The following PKHD1 variants were observed in gnomAD, a reference collection of about 807,000 sequenced individuals.
PKHD1 encodes the protein PKHD1 ciliary IPT domain containing fibrocystin/polyductin.
In PKHD1, 291 loss-of-function variants were observed where a neutral mutation model predicts 412.0. That is an observed-to-expected ratio of 0.71 (90% confidence interval 0.64 to 0.78). The LOEUF (loss-of-function observed/expected upper bound fraction) is 0.78, where lower values mean the gene tolerates loss of function less well. Ranked by LOEUF, PKHD1 falls within the 30% of genes least tolerant of loss-of-function variation. The pLI, the probability that PKHD1 is intolerant of heterozygous loss-of-function variation, is 0.00. For synonymous variants in PKHD1, 1,777 were observed against 1,821.5 expected (o/e 0.98, Z 0.62); for missense variants, 4,825 against 4,950.7 (o/e 0.97, Z 0.76).
At chr6:52,045,824 T>C (rs1018346049) in intron 24 of PKHD1, among the ~76,000 whole-genome samples, 180 bp downstream of exon 24, 1 of 152,202 alleles carries the variant, frequency 6.6e-6, no homozygotes, top group African/African-American at 2.4e-5. Context: ...TTCAGGGATA[T>C]GATATACAAA....
intron 45 of PKHD1, among the ~76,000 whole-genome samples, chr6:51,884,082 A>C (rs1467558736): frequency 6.6e-6 from 1 of 152,180 alleles, no homozygotes; most frequent in Non-Finnish European, 1.5e-5. Context: ...AGGGACTAAG[A>C]CACCACTGGT....
intron 37 of PKHD1, among the ~76,000 whole-genome samples, chr6:51,918,114 C>T (rs998857895): frequency 6.6e-6 from 1 of 151,968 alleles, no homozygotes; most frequent in Non-Finnish European, 1.5e-5. Context: ...CAAAATAATG[C>T]AGGACTTTGT....
intron 62 of PKHD1, among the ~76,000 whole-genome samples, chr6:51,648,541 T>C (rs1770434576): frequency 6.6e-6 from 1 of 152,150 alleles, no homozygotes; most frequent in Non-Finnish European, 1.5e-5. Context: ...GGGGATGCAT[T>C]TATAAACAGG....
At chr6:51,867,316 G>T (rs1175474425) in intron 48 of PKHD1, among the ~76,000 whole-genome samples, 1 of 152,122 alleles carries the variant, frequency 6.6e-6, no homozygotes, top group African/African-American at 2.4e-5. Flanking sequence ...ATGGTAGTTT[G>T]AGTAGCATAA....
chr6:52,019,147 T>G (rs1436051644), intron 33 of PKHD1, among the ~76,000 whole-genome samples: 1 of 152,058 alleles, frequency 6.6e-6, no homozygotes, highest in Non-Finnish European at 1.5e-5. Flanking sequence ...CTGAAAACCT[T>G]AATAAAGAGG....
In PKHD1 at chr6:51,982,855, A is replaced by AAAAATAAAAT. The variant is rs376352534; in HGVS notation, c.5752-22839_5752-22830dup. On this transcript the variant is annotated intron_variant, in intron 35 of 66. Transcript: ENST00000371117. ...ATAAAAAATAAAAAAATAAAAAAAT[A>AAAAATAAAAT]AAAATAAAATAAAATAAAATAAAAT... Among the ~76,000 whole-genome samples the AAAAATAAAAT allele has an allele frequency of 3.9e-3, 495 of 125,912 alleles. 2 individuals carry two copies. Among genetic ancestry groups the AAAAATAAAAT allele is most frequent in the South Asian group, 4.8e-3 (18 of 3,780 alleles). 82.6% of individuals were successfully genotyped at this position (125,912 alleles called of 152,430 possible).
intron 52 of PKHD1, among the ~76,000 whole-genome samples, chr6:51,814,282 A>T (rs1765123940): frequency 6.6e-6 from 1 of 152,206 alleles, no homozygotes; most frequent in African/African-American, 2.4e-5. Context: ...TTACTCTACG[A>T]TTCTCTCAGT....
intron 55 of PKHD1, among the ~76,000 whole-genome samples, chr6:51,765,776 T>C (rs1788885982): frequency 6.6e-6 from 1 of 152,154 alleles, no homozygotes; most frequent in African/African-American, 2.4e-5. Flanking sequence ...CAATCTCTTC[T>C]AATTTGCAAT....
At chr6:51,658,029 G>A (rs1211326732) in intron 61 of PKHD1, among the ~76,000 whole-genome samples, 1 of 152,034 alleles carries the variant, frequency 6.6e-6, no homozygotes, top group Non-Finnish European at 1.5e-5. Flanking sequence ...CAAAAGGAAA[G>A]ATATTTCAAT....
At chr6:52,048,365 A>G in intron 23 of PKHD1, 127 bp downstream of exon 23, 1 of 985,400 alleles carries the variant, frequency 1.0e-6, no homozygotes, top group South Asian at 1.3e-5. Context: ...ACTTTCAGAC[A>G]CTGGAAAATA....
intron 6 of PKHD1, among the ~76,000 whole-genome samples, chr6:52,074,452 AC>A (rs1281715246): frequency 2.0e-5 from 3 of 152,316 alleles, no homozygotes; most frequent in African/African-American, 7.2e-5. Flanking sequence ...GTTTCCTGTT[AC>A]TGCTAAAAAA....
At chr6:52,012,916 T>C (rs972263342) in intron 34 of PKHD1, among the ~76,000 whole-genome samples, 2 of 152,228 alleles carry the variant, frequency 1.3e-5, no homozygotes, top group African/African-American at 4.8e-5. Context: ...GAATAGTTCA[T>C]TCTAGAATTT....
chr6:51,950,220 A>AAAAAAAAAT, intron 36 of PKHD1, among the ~76,000 whole-genome samples: 164 of 98,300 alleles, frequency 1.7e-3, no homozygotes, highest in Non-Finnish European at 1.9e-3. Context: ...GAAAAAAAAA[A>AAAAAAAAAT]ATATATATAT....
intron 34 of PKHD1, among the ~76,000 whole-genome samples, chr6:52,011,912 G>A (rs1799879053): frequency 6.6e-6 from 1 of 152,188 alleles, no homozygotes; most frequent in Non-Finnish European, 1.5e-5. Context: ...CTTTATCTGA[G>A]CCTCCTTCTC....
At position 51,909,482 on chromosome 6, in the gene PKHD1, G is replaced by A; in HGVS notation, c.6491-8C>T. ...AACAGTGCTGCAGATTACCTGAAAT[G>A]CAAAATAAAGTCCAGAGAACCTAAA... On this transcript the variant is annotated splice_polypyrimidine_tract_variant and splice_region_variant and intron_variant, in intron 39 of 66. Coordinates refer to ENST00000371117, the MANE Select transcript of PKHD1 (RefSeq NM_138694.4). 6.2e-7 allele frequency: 1 copy of A among 1,608,504 alleles called. No individual in the cohort carries two copies. Among genetic ancestry groups the A allele is most frequent in the South Asian group, 1.1e-5 (1 of 90,972 alleles).
intron 60 of PKHD1, among the ~76,000 whole-genome samples, chr6:51,692,126 C>T (rs898752489): frequency 3.9e-5 from 6 of 152,100 alleles, no homozygotes; most frequent in African/African-American, 1.4e-4. Flanking sequence ...AGTATTCTCA[C>T]TCCTCCCAAT....
intron 60 of PKHD1, among the ~76,000 whole-genome samples, chr6:51,716,296 A>C (rs916807834): frequency 1.3e-5 from 2 of 152,212 alleles, no homozygotes; most frequent in South Asian, 4.1e-4. Context: ...CCTTCATATG[A>C]GTCATTAGCA....
At chr6:51,806,197 C>A (rs2151361644) in intron 52 of PKHD1, among the ~76,000 whole-genome samples, 1 of 147,818 alleles carries the variant, frequency 6.8e-6, no homozygotes, top group Admixed American at 6.9e-5. Flanking sequence ...ACATTGTGCA[C>A]ATGTACCCTA....
At chr6:51,940,428 A>G (rs1788306814) in intron 36 of PKHD1, among the ~76,000 whole-genome samples, 1 of 151,720 alleles carries the variant, frequency 6.6e-6, no homozygotes, top group South Asian at 2.1e-4. Context: ...GGGTTCCTCC[A>G]GAACCTCCTC....
Sources: allele counts gnomAD v4.1 joint callset (sites outside exome capture counted in the v4.1 genomes callset), GRCh38; gene constraint gnomAD v4.1.1; transcripts MANE v1.5; gene names NCBI Gene and HGNC (gene_info 2026-07-23, HGNC 2026-07-21).